The following TNFRSF10D variants were observed in gnomAD, a reference collection of about 807,000 sequenced individuals.
TNFRSF10D encodes tumor necrosis factor receptor superfamily member 10D.
TNFRSF10D carries 28 observed loss-of-function variants against 42.1 expected under a neutral mutation model. That is an observed-to-expected ratio of 0.66 (90% CI 0.49 to 0.91). The LOEUF (loss-of-function observed/expected upper bound fraction) is 0.91, where lower values mean the gene tolerates loss of function less well. Among genes scored for constraint, TNFRSF10D ranks in the 40% least tolerant of loss-of-function variants. TNFRSF10D has a pLI of 0.00. For synonymous variants in TNFRSF10D, 186 were observed against 189.4 expected, an observed-to-expected ratio of 0.98 and a Z score of 0.15; for missense variants, 503 against 486.1, an observed-to-expected ratio of 1.03 and a Z score of -0.33.
intron 7 of TNFRSF10D, among the ~76,000 whole-genome samples, chr8:23,141,693 A>G (rs1800022237): frequency 1.3e-5 from 2 of 151,704 alleles, no homozygotes; most frequent in African/African-American, 4.8e-5. Context: ...AAGACATACA[A>G]GTGGCCAACA....
rs1554518854 is a variant in TNFRSF10D at position 23,148,825 on chromosome 8, A to ACT, written c.257-276_257-275dup. On this transcript the variant is annotated intron_variant, in intron 2 of 8. Transcript: ENST00000312584. The stretch of plus-strand genomic sequence containing the variant: ...AAAGAATGAGGTCAAATTAATTTTA[A>ACT]CTATTTTTTAGCCTAAAAATATCCA... Among the ~76,000 whole-genome samples, 919 of 151,772 alleles carry ACT rather than the reference A, an allele frequency of 6.1e-3. 6 individuals are homozygous for ACT. Among genetic ancestry groups the ACT allele is most frequent in the Non-Finnish European group, 0.011 (718 of 67,964 alleles).
intron 2 of TNFRSF10D, among the ~76,000 whole-genome samples, chr8:23,149,269 C>T (rs913584029): frequency 6.6e-6 from 1 of 151,184 alleles, no homozygotes; most frequent in African/African-American, 2.4e-5. Context: ...CAGAGTTTCA[C>T]TCTTGTCACC....
chr8:23,140,753 G>A (rs371078343), intron 7 of TNFRSF10D, among the ~76,000 whole-genome samples: 12 of 152,130 alleles, frequency 7.9e-5, no homozygotes, highest in East Asian at 1.9e-4. Flanking sequence ...CCCTGCACAC[G>A]CTCTCTTGCC....
chr8:23,146,246 C>G (rs1800118511), intron 4 of TNFRSF10D, among the ~76,000 whole-genome samples: 1 of 152,214 alleles, frequency 6.6e-6, no homozygotes, highest in African/African-American at 2.4e-5. Flanking sequence ...ATCACAAGCC[C>G]CTGTGGCCAC....
At chr8:23,144,408 C>G in intron 7 of TNFRSF10D, 42 bp downstream of exon 7, 1 of 1,594,380 alleles carries the variant, frequency 6.3e-7, no homozygotes, top group Non-Finnish European at 8.6e-7. Flanking sequence ...AAGTCCTGTG[C>G]AGGCTGCACG....
chr8:23,143,765 T>C (rs1800066694), intron 7 of TNFRSF10D, among the ~76,000 whole-genome samples: 1 of 152,090 alleles, frequency 6.6e-6, no homozygotes, highest in Non-Finnish European at 1.5e-5. Flanking sequence ...ACAAAAGAAA[T>C]GGCACCTACG....
At position 23,156,728 on chromosome 8, in the gene TNFRSF10D, TG is replaced by T. The variant is rs551992977; in HGVS notation, c.151-1750del. Among the ~76,000 whole-genome samples, 354 of 152,220 alleles carry T rather than the reference TG, an allele frequency of 2.3e-3. 3 individuals are homozygous for T. The highest frequency in any genetic ancestry group is 8.1e-3 in the African/African-American group (335 of 41,526). On this transcript the variant is annotated intron_variant, in intron 1 of 8. Transcript: ENST00000312584. ...ACAGACAGGAGAGTGCCCCAATGCC[TG>T]GGCTAATATTGGTGTATTTTATACA...
chr8:23,153,776 T>C (rs1323345059), intron 2 of TNFRSF10D, among the ~76,000 whole-genome samples: 1 of 152,178 alleles, frequency 6.6e-6, no homozygotes, highest in Non-Finnish European at 1.5e-5. Context: ...TTGGTGGGAA[T>C]GGAGATTAGT....
intron 1 of TNFRSF10D, among the ~76,000 whole-genome samples, chr8:23,161,907 A>T (rs1800372517): frequency 6.6e-6 from 1 of 152,172 alleles, no homozygotes; most frequent in Non-Finnish European, 1.5e-5. Context: ...GTTGCCCAAT[A>T]AGCTGGTGCG....
chr8:23,144,141 T>A (rs1018062799), intron 7 of TNFRSF10D, among the ~76,000 whole-genome samples: 3 of 152,232 alleles, frequency 2.0e-5, no homozygotes, highest in Non-Finnish European at 4.4e-5. Flanking sequence ...TGACTTCTGT[T>A]AGGAGCACAC....
At position 23,144,652 on chromosome 8, in the gene TNFRSF10D, G is replaced by GCC; in HGVS notation, c.769-19_769-18dup. The GCC allele has an allele frequency of 6.2e-7, 1 of 1,608,780 alleles. No individual in the cohort carries two copies. The highest frequency in any genetic ancestry group is 1.7e-4 in the Middle Eastern group (1 of 6,028). On this transcript the variant is annotated splice_polypyrimidine_tract_variant and intron_variant, in intron 6 of 8. Coordinates refer to ENST00000312584, the MANE Select transcript of TNFRSF10D (RefSeq NM_003840.5). ...GAAAAGGACCTTGGGAAGACAAAGA[G>GCC]CCCACTCAAGTCCACACCCCGGGCT...
intron 2 of TNFRSF10D, among the ~76,000 whole-genome samples, chr8:23,150,428 T>C (rs573830248): frequency 9.2e-4 from 140 of 152,374 alleles, no homozygotes; most frequent in Admixed American, 3.2e-3. Context: ...AAAGCCAGTC[T>C]GTAAATACTG....
Position 23,136,030 on chromosome 8 carries a change from C to G in TNFRSF10D, c.*1840G>C. On this transcript the variant is annotated 3_prime_UTR_variant, in exon 9 of 9. Coordinates refer to ENST00000312584, the MANE Select transcript of TNFRSF10D (RefSeq NM_003840.5). ...CCATCCCCTCCTAAAACTCCATGGA[C>G]ACAACAATCTGAATGTGCGAACTTC... The G allele has an allele frequency of 9.7e-6, 4 of 411,308 alleles. No homozygotes were observed. The highest frequency in any genetic ancestry group is 1.9e-5 in the Non-Finnish European group (4 of 207,026). 25.5% of individuals were successfully genotyped at this position (411,308 alleles called of 1,614,324 possible).
rs1249960979 is a variant in TNFRSF10D at position 23,137,210 on chromosome 8, G to A, written c.*660C>T. On this transcript the variant is annotated 3_prime_UTR_variant, in exon 9 of 9. Transcript: ENST00000312584. Reference sequence around the variant, plus strand: ...AAGTCGAACCCTCGTAAGTCCATATGCTCATGACTTAGCATAGGGCTACGT... The same window carrying A: ...AAGTCGAACCCTCGTAAGTCCATATACTCATGACTTAGCATAGGGCTACGT... The A allele has an allele frequency of 1.3e-5, 2 of 152,240 alleles. No homozygotes were observed. The highest frequency in any genetic ancestry group is 4.8e-5 in the African/African-American group (2 of 41,454). The allele number at this position is 152,240 out of a possible 1,614,324, so 9.4% of individuals were successfully genotyped here. A position where few individuals can be genotyped will look rare whatever the true frequency, so the allele number is the denominator to read the frequency against.
At chr8:23,145,147 C>G (rs1800096942) in intron 5 of TNFRSF10D, 58 bp from the exon 6 acceptor site, 5 of 1,610,324 alleles carry the variant, frequency 3.1e-6, no homozygotes, top group Non-Finnish European at 4.2e-6. Flanking sequence ...CACCTCCCTC[C>G]CAGAGGACAG....
At chr8:23,163,158 G>T (rs1275372136) in intron 1 of TNFRSF10D, among the ~76,000 whole-genome samples, 3 of 145,422 alleles carry the variant, frequency 2.1e-5, no homozygotes, top group Non-Finnish European at 4.5e-5. Flanking sequence ...GGAGTGCGAT[G>T]GCGCGATCTC....
At chr8:23,158,008 G>C (rs1800304975) in intron 1 of TNFRSF10D, among the ~76,000 whole-genome samples, 1 of 152,174 alleles carries the variant, frequency 6.6e-6, no homozygotes, top group Non-Finnish European at 1.5e-5. Context: ...TTCAGGAGTG[G>C]GGAGAAGTAA....
In TNFRSF10D at chr8:23,137,686, A is replaced by C; in HGVS notation, c.*184T>G. On this transcript the variant is annotated 3_prime_UTR_variant, in exon 9 of 9. Transcript: ENST00000312584. ...TTTCTCCCGTTTGCTTATCACACGC[A>C]GTATTTCATAAAAATTACTCCAAGT... The C allele has an allele frequency of 1.5e-6, 1 of 654,970 alleles. No individual in the cohort carries two copies. The highest frequency in any genetic ancestry group is 2.5e-5 in the South Asian group (1 of 39,594). The allele number at this position is 654,970 out of a possible 1,614,324, so 40.6% of individuals were successfully genotyped here.
At chr8:23,140,088 G>A (rs982722892) in intron 7 of TNFRSF10D, among the ~76,000 whole-genome samples, 2 of 152,166 alleles carry the variant, frequency 1.3e-5, no homozygotes, top group African/African-American at 2.4e-5. Context: ...AGGAGATCGA[G>A]ACCATCCTGG....
Sources: allele counts gnomAD v4.1 joint callset (sites outside exome capture counted in the v4.1 genomes callset), GRCh38; gene constraint gnomAD v4.1.1; transcripts MANE v1.5; gene names NCBI Gene and HGNC (gene_info 2026-07-23, HGNC 2026-07-21).